Variants in RIMOC1 observed in about 807,000 individuals in gnomAD.
RIMOC1 encodes RAB7A-interacting MON1-CCZ1 complex subunit 1.
chr5:41,919,726 C>G, the RIMOC1 span: 1 of 152,106 alleles, frequency 6.6e-6, no homozygotes, highest in Admixed American at 6.6e-5. Context: ...GAATACCTAC[C>G]TACCTCTTAG....
the RIMOC1 span, chr5:41,916,237 C>G: frequency 4.8e-6 from 1 of 207,168 alleles, no homozygotes; most frequent in Admixed American, 6.5e-5. Flanking sequence ...ACCTGAGATT[C>G]AAAGAGCTTT....
chr5:41,909,674 G>T, the RIMOC1 span: 4 of 1,154,360 alleles, frequency 3.5e-6, no homozygotes, highest in Non-Finnish European at 4.8e-6. Flanking sequence ...TGTGTGCAAG[G>T]TTAGACTGTA....
chr5:41,907,112 G>C, the RIMOC1 span, among the ~76,000 whole-genome samples: 6 of 152,152 alleles, frequency 3.9e-5, no homozygotes, highest in African/African-American at 1.4e-4. Context: ...GGTGAATTGT[G>C]ATTAGAGGAC....
chr5:41,912,291 G>A, the RIMOC1 span: 2 of 665,510 alleles, frequency 3.0e-6, no homozygotes, highest in Non-Finnish European at 5.2e-6. Flanking sequence ...GTAGATTATA[G>A]ACAAAAAAGT....
the RIMOC1 span, chr5:41,910,938 C>G: frequency 7.9e-7 from 1 of 1,264,606 alleles, no homozygotes; most frequent in South Asian, 1.5e-5. Flanking sequence ...ACAAAGGGAA[C>G]ATTTTGTGAC....
At chr5:41,915,087 A>G in the RIMOC1 span, among the ~76,000 whole-genome samples, 2 of 152,270 alleles carry the variant, frequency 1.3e-5, no homozygotes, top group South Asian at 2.1e-4. Context: ...TTGTTTAGAC[A>G]TTATCTGTAT....
the RIMOC1 span, among the ~76,000 whole-genome samples, chr5:41,916,738 AC>A: frequency 1.3e-5 from 2 of 152,120 alleles, no homozygotes; most frequent in African/African-American, 4.8e-5. Flanking sequence ...TATAGAGTGG[AC>A]CCCAAAAAGG....
chr5:41,909,236 A>G, the RIMOC1 span, among the ~76,000 whole-genome samples: 1 of 152,058 alleles, frequency 6.6e-6, no homozygotes, highest in African/African-American at 2.4e-5. Flanking sequence ...ATAATTAGGA[A>G]TACTGGGGGC....
the RIMOC1 span, among the ~76,000 whole-genome samples, chr5:41,915,296 C>T: frequency 7.9e-5 from 12 of 152,022 alleles, no homozygotes; most frequent in African/African-American, 2.7e-4. Context: ...TTGTTTATGC[C>T]CTTAATACCA....
chr5:41,918,668 C>T, the RIMOC1 span: 10 of 985,280 alleles, frequency 1.0e-5, no homozygotes, highest in Non-Finnish European at 1.1e-5. Context: ...TCAATGTAAA[C>T]CTTATGTTTG....
chr5:41,910,412 C>T, the RIMOC1 span, among the ~76,000 whole-genome samples: 1 of 151,808 alleles, frequency 6.6e-6, no homozygotes, highest in Non-Finnish European at 1.5e-5. Context: ...CCGATAGTCT[C>T]TATTCTGTCT....
At chr5:41,912,046 C>T in the RIMOC1 span, 2 of 1,348,890 alleles carry the variant, frequency 1.5e-6, no homozygotes, top group Non-Finnish European at 2.1e-6. Flanking sequence ...ACTTTCAATT[C>T]TTTGGCTCTG....
the RIMOC1 span, chr5:41,917,348 A>G: frequency 4.6e-6 from 7 of 1,521,812 alleles, no homozygotes; most frequent in East Asian, 2.3e-5. Context: ...AACCCATGAA[A>G]TGGAAAAGAG....
the RIMOC1 span, among the ~76,000 whole-genome samples, chr5:41,908,886 A>G: frequency 1.3e-5 from 2 of 152,148 alleles, no homozygotes; most frequent in Non-Finnish European, 2.9e-5. Context: ...ATATATGATG[A>G]TCTCTCCTTA....
chr5:41,918,242 C>G, the RIMOC1 span: 1 of 985,750 alleles, frequency 1.0e-6, no homozygotes, highest in African/African-American at 1.7e-5. Context: ...CGTGGCCGCA[C>G]TTTGAATGTC....
the RIMOC1 span, among the ~76,000 whole-genome samples, chr5:41,911,594 A>G: frequency 4.6e-5 from 7 of 152,240 alleles, no homozygotes; most frequent in Non-Finnish European, 1.0e-4. Context: ...AATCCAAAAT[A>G]TGAGTCTTGG....
the RIMOC1 span, chr5:41,904,389 G>T: frequency 6.2e-7 from 1 of 1,613,970 alleles, no homozygotes; most frequent in Non-Finnish European, 8.5e-7. Flanking sequence ...AGTCTCTAGT[G>T]TGGTGAGACG....
chr5:41,906,442 A>G, the RIMOC1 span, among the ~76,000 whole-genome samples: 5 of 152,206 alleles, frequency 3.3e-5, no homozygotes, highest in African/African-American at 1.2e-4. Flanking sequence ...ATACTCTTTC[A>G]GCAATGGTTT....
the RIMOC1 span, chr5:41,917,315 C>G: frequency 3.2e-6 from 5 of 1,565,312 alleles, no homozygotes; most frequent in Admixed American, 9.9e-5. Flanking sequence ...TCATCTAGTC[C>G]TTTTCAAATA....
Sources: gnomAD v4.1 joint callset for allele counts (sites outside exome capture counted in the v4.1 genomes callset) on GRCh38, gnomAD v4.1.1 for gene constraint, MANE v1.5 for transcripts, NCBI Gene and HGNC (gene_info 2026-07-23, HGNC 2026-07-21) for gene names.